Variants in SNX18 observed in about 807,000 individuals in gnomAD.
SNX18 encodes sorting nexin 18.
SNX18 carries 35 observed loss-of-function variants against 48.7 expected under a neutral mutation model. The ratio of observed to expected loss-of-function variants is 0.72; its 90% confidence interval spans 0.55 to 0.95. The LOEUF is 0.95. Among genes scored for constraint, SNX18 ranks in the 40% least tolerant of loss-of-function variants. SNX18 has a pLI of 0.00. For missense variants in SNX18, 824 were observed against 871.0 expected, an observed-to-expected ratio of 0.95 and a Z score of 0.68; for synonymous variants, 492 against 384.7, an observed-to-expected ratio of 1.28 and a Z score of -3.26.
intron 1 of SNX18, among the ~76,000 whole-genome samples, chr5:54,525,075 A>AGT (rs1472680723): frequency 6.6e-6 from 1 of 152,252 alleles, no homozygotes; most frequent in African/African-American, 2.4e-5. Context: ...CTGGAGGGCC[A>AGT]GTGTGTGGGC....
chr5:54,620,727 G>A, the SNX18 span, among the ~76,000 whole-genome samples: 1 of 152,214 alleles, frequency 6.6e-6, no homozygotes, highest in African/African-American at 2.4e-5. Context: ...TGGCTTAACA[G>A]AAATGTATTT....
At chr5:54,575,399 G>A in the SNX18 span, among the ~76,000 whole-genome samples, 2 of 128,814 alleles carry the variant, frequency 1.6e-5, no homozygotes, top group Admixed American at 1.8e-4. Flanking sequence ...TTGAGACACA[G>A]TCTTGCTCTG....
chr5:54,575,580 G>A, the SNX18 span, among the ~76,000 whole-genome samples: 1 of 151,878 alleles, frequency 6.6e-6, no homozygotes, highest in African/African-American at 2.4e-5. Flanking sequence ...TGGTCAGGCT[G>A]GTCTCAAACT....
At chr5:54,599,723 C>T in the SNX18 span, among the ~76,000 whole-genome samples, 1 of 152,092 alleles carries the variant, frequency 6.6e-6, no homozygotes, top group African/African-American at 2.4e-5. Flanking sequence ...TTGACAAAAA[C>T]AAGCAATGGG....
At chr5:54,627,171 A>T in the SNX18 span, among the ~76,000 whole-genome samples, 1 of 152,236 alleles carries the variant, frequency 6.6e-6, no homozygotes, top group African/African-American at 2.4e-5. Context: ...AATAAAAATT[A>T]ACATCTACAT....
chr5:54,640,042 G>A, the SNX18 span, among the ~76,000 whole-genome samples: 386 of 152,182 alleles, frequency 2.5e-3, 2 homozygotes, highest in African/African-American at 8.4e-3. Flanking sequence ...CTGAACATAC[G>A]GGGATTATGG....
At chr5:54,581,050 G>A in the SNX18 span, among the ~76,000 whole-genome samples, 2 of 152,092 alleles carry the variant, frequency 1.3e-5, no homozygotes, top group Non-Finnish European at 2.9e-5. Flanking sequence ...AGAGAGAAAG[G>A]GCAAAGGCTG....
the SNX18 span, among the ~76,000 whole-genome samples, chr5:54,581,450 CT>C: frequency 6.6e-6 from 1 of 151,926 alleles, no homozygotes; most frequent in African/African-American, 2.4e-5. Context: ...TAAAATATGA[CT>C]CCCCCGGCAA....
At chr5:54,584,847 C>T in the SNX18 span, among the ~76,000 whole-genome samples, 10 of 152,308 alleles carry the variant, frequency 6.6e-5, no homozygotes, top group East Asian at 5.8e-4. Context: ...AGACCTCTTC[C>T]GAGCTGTCCT....
chr5:54,575,373 T>C, the SNX18 span, among the ~76,000 whole-genome samples: 1 of 146,784 alleles, frequency 6.8e-6, no homozygotes, highest in Admixed American at 6.8e-5. Flanking sequence ...CACTGCTTTT[T>C]TTTTTTTTTT....
chr5:54,556,081 C>A, the SNX18 span, among the ~76,000 whole-genome samples: 1 of 152,142 alleles, frequency 6.6e-6, no homozygotes, highest in Admixed American at 6.5e-5. Flanking sequence ...TCTTCAACAT[C>A]CATAGTACTA....
chr5:54,647,117 C>T, the SNX18 span, among the ~76,000 whole-genome samples: 1 of 152,164 alleles, frequency 6.6e-6, no homozygotes, highest in South Asian at 2.1e-4. Context: ...CAAACTACGC[C>T]TTAAATAAAT....
At chr5:54,558,212 C>A in the SNX18 span, among the ~76,000 whole-genome samples, 447 of 152,270 alleles carry the variant, frequency 2.9e-3, 1 homozygote, top group African/African-American at 0.01. Context: ...CTGTAAACAT[C>A]ACCCTAAATA....
At chr5:54,628,482 C>T in the SNX18 span, among the ~76,000 whole-genome samples, 4,610 of 152,296 alleles carry the variant, frequency 0.03, 230 homozygotes, top group African/African-American at 0.1. Context: ...TGGATTCTGT[C>T]TATGCCTCTT....
chr5:54,613,191 A>G, the SNX18 span, among the ~76,000 whole-genome samples: 2 of 152,220 alleles, frequency 1.3e-5, no homozygotes, highest in Admixed American at 1.3e-4. Context: ...GTAGCAGCAA[A>G]AACTCTGCCT....
chr5:54,567,260 C>G, the SNX18 span, among the ~76,000 whole-genome samples: 1 of 151,608 alleles, frequency 6.6e-6, no homozygotes, highest in Non-Finnish European at 1.5e-5. Flanking sequence ...AGGATGATGT[C>G]CCCAGTATGT....
downstream of SNX18, among the ~76,000 whole-genome samples, chr5:54,550,834 G>A (rs1040432092): frequency 1.3e-5 from 2 of 152,014 alleles, no homozygotes; most frequent in Non-Finnish European, 2.9e-5. Flanking sequence ...ATCCACCTGC[G>A]TCGGCCTCCC....
the SNX18 span, among the ~76,000 whole-genome samples, chr5:54,560,618 A>G: frequency 0.062 from 9,436 of 152,292 alleles, 391 homozygotes; most frequent in Middle Eastern, 0.1. Flanking sequence ...TGTACCCCTG[A>G]ACTTAAAATG....
chr5:54,645,474 T>G, the SNX18 span: 1 of 152,338 alleles, frequency 6.6e-6, no homozygotes, highest in Middle Eastern at 3.4e-3. Context: ...AGAGAAAACT[T>G]CTTGGAAGAG....
Sources: gnomAD v4.1 joint callset for allele counts (sites outside exome capture counted in the v4.1 genomes callset) on GRCh38, gnomAD v4.1.1 for gene constraint, MANE v1.5 for transcripts, NCBI Gene and HGNC (gene_info 2026-07-23, HGNC 2026-07-21) for gene names.